The following CEP112 variants were observed in gnomAD, a reference collection of about 807,000 sequenced individuals.
CEP112 encodes centrosomal protein 112.
A neutral mutation model predicts 153.0 loss-of-function variants in CEP112; 127 were observed. That is an observed-to-expected ratio of 0.83 (90% confidence interval 0.72 to 0.96). The LOEUF is 0.96. Ranked by LOEUF, CEP112 falls within the 40% of genes least tolerant of loss-of-function variation. The probability of loss-of-function intolerance (pLI) is 0.00; values close to 1 mark genes in which losing one functional copy is unlikely to be tolerated. For synonymous variants in CEP112, 358 were observed against 374.4 expected (o/e 0.96, Z 0.51); for missense variants, 1,089 against 1,101.2 (o/e 0.99, Z 0.16).
chr17:65,804,865 A>T (rs1449572894), intron 21 of CEP112, among the ~76,000 whole-genome samples: 3 of 144,972 alleles, frequency 2.1e-5, no homozygotes, highest in Non-Finnish European at 4.6e-5. Context: ...TGTACAATTA[A>T]TTTTTTTTTT....
chr17:66,102,671 A>G (rs2068613904), intron 6 of CEP112, among the ~76,000 whole-genome samples: 1 of 151,048 alleles, frequency 6.6e-6, no homozygotes, highest in African/African-American at 2.4e-5. Context: ...GGTGGCGGGC[A>G]CCTGTAGTCC....
At chr17:65,948,155 G>A (rs1163245790) in intron 18 of CEP112, among the ~76,000 whole-genome samples, 1 of 152,168 alleles carries the variant, frequency 6.6e-6, no homozygotes, top group Admixed American at 6.5e-5. Flanking sequence ...GAACTGACTA[G>A]CCAGTTTCAA....
chr17:65,935,483 TACA>T (rs2061274476), intron 18 of CEP112, among the ~76,000 whole-genome samples: 1 of 152,192 alleles, frequency 6.6e-6, no homozygotes, highest in Admixed American at 6.5e-5. Context: ...ATGTCTCAAG[TACA>T]ACATGAAACA....
chr17:66,085,252 CAG>C (rs1233763591), intron 8 of CEP112, among the ~76,000 whole-genome samples: 1 of 152,070 alleles, frequency 6.6e-6, no homozygotes, highest in African/African-American at 2.4e-5. Flanking sequence ...TTTAATATAA[CAG>C]AGAGTTATAC....
At chr17:65,717,397 A>G (rs1397984740) in intron 23 of CEP112, among the ~76,000 whole-genome samples, 6 of 152,288 alleles carry the variant, frequency 3.9e-5, no homozygotes, top group Middle Eastern at 3.4e-3. Context: ...CCCCTCACCC[A>G]CAAAAAATAC....
intron 24 of CEP112, among the ~76,000 whole-genome samples, chr17:65,665,860 C>G (rs1038924071): frequency 6.6e-5 from 10 of 152,098 alleles, no homozygotes; most frequent in African/African-American, 2.4e-4. Flanking sequence ...ATGAGCTGGC[C>G]CCAGCAGTCC....
At chr17:66,168,031 T>C (rs1482741065) in intron 4 of CEP112, among the ~76,000 whole-genome samples, 3 of 152,232 alleles carry the variant, frequency 2.0e-5, no homozygotes, top group Admixed American at 2.0e-4. Context: ...ATATCTGTTA[T>C]ACAAATTTAT....
intron 21 of CEP112, among the ~76,000 whole-genome samples, chr17:65,752,419 A>G (rs1018991330): frequency 1.3e-5 from 2 of 152,144 alleles, no homozygotes; most frequent in Non-Finnish European, 2.9e-5. Flanking sequence ...TGCATCCTCC[A>G]GTTTCCTGCC....
At chr17:65,848,281 A>C (rs1470172713) in intron 21 of CEP112, among the ~76,000 whole-genome samples, 3 of 152,146 alleles carry the variant, frequency 2.0e-5, no homozygotes, top group Non-Finnish European at 4.4e-5. Context: ...GTTTCTGGGC[A>C]CACAATCATT....
intron 8 of CEP112, among the ~76,000 whole-genome samples, chr17:66,070,303 A>G (rs1437928964): frequency 6.6e-6 from 1 of 152,178 alleles, no homozygotes; most frequent in African/African-American, 2.4e-5. Context: ...GGCATTTTAA[A>G]GTGATATTTT....
chr17:65,997,105 G>A lies in CEP112; in HGVS notation c.1736+8585C>T, dbSNP rs139141962. On this transcript the variant is annotated intron_variant, in intron 17 of 26. Transcript: ENST00000535342. ...GTGCACCTGTAGTCCCAGCTACTCG[G>A]GAGACTGAGGCAGAAGAATTGCTTG... 5.4e-3 allele frequency among the ~76,000 whole-genome samples: 826 copies of A among 152,204 alleles called. 11 individuals are homozygous for A. Among genetic ancestry groups the A allele is most frequent in the African/African-American group, 0.019 (774 of 41,542 alleles).
chr17:65,678,582 C>T (rs1431251002), intron 24 of CEP112, among the ~76,000 whole-genome samples: 1 of 152,184 alleles, frequency 6.6e-6, no homozygotes, highest in Non-Finnish European at 1.5e-5. Context: ...GAGACCCAGC[C>T]CCAAGGCAGG....
chr17:66,169,376 T>C (rs141532440), intron 4 of CEP112, among the ~76,000 whole-genome samples: 5,138 of 149,414 alleles, frequency 0.034, 128 homozygotes, highest in Middle Eastern at 0.062. Context: ...CTCTGGCTCC[T>C]GGGTTCAAGC....
chr17:65,780,804 C>G (rs934492150), intron 21 of CEP112, among the ~76,000 whole-genome samples: 1 of 152,068 alleles, frequency 6.6e-6, no homozygotes, highest in South Asian at 2.1e-4. Context: ...TGACATTGTT[C>G]AATGATCAAA....
intron 22 of CEP112, among the ~76,000 whole-genome samples, chr17:65,745,218 G>A (rs1003992722): frequency 6.6e-6 from 1 of 152,172 alleles, no homozygotes; most frequent in African/African-American, 2.4e-5. Flanking sequence ...TTAGCCGATT[G>A]TGAAATGACA....
intron 21 of CEP112, among the ~76,000 whole-genome samples, chr17:65,789,919 G>A (rs1285073778): frequency 1.3e-5 from 2 of 152,128 alleles, no homozygotes; most frequent in African/African-American, 4.8e-5. Flanking sequence ...CTGGATCATA[G>A]CCCACCCTTC....
intron 24 of CEP112, among the ~76,000 whole-genome samples, chr17:65,644,893 A>G (rs1374071565): frequency 1.3e-5 from 2 of 152,136 alleles, no homozygotes; most frequent in Non-Finnish European, 2.9e-5. Flanking sequence ...GTAAAGTCTG[A>G]GGCCAATCTG....
At chr17:65,895,984 A>G (rs1370865890) in intron 20 of CEP112, among the ~76,000 whole-genome samples, 1 of 152,118 alleles carries the variant, frequency 6.6e-6, no homozygotes, top group African/African-American at 2.4e-5. Context: ...TTCAAGAACA[A>G]TTTTAATATT....
In CEP112 at chr17:65,912,546, T is replaced by C. The variant is rs1344183243; in HGVS notation, c.1981-10212A>G. ...CTGGCCTAAAGCAACAAAACCACTC[T>C]CATATTCTCACTTTTCTGATACTTT... On this transcript the variant is annotated intron_variant, in intron 19 of 26. Transcript: ENST00000535342. Among the ~76,000 whole-genome samples, 3 of 152,156 alleles carry C rather than the reference T, an allele frequency of 2.0e-5. No homozygotes were observed. The East Asian group carries it at 5.8e-4, about 29-fold the overall frequency.
Sources: gnomAD v4.1 joint callset for allele counts (sites outside exome capture counted in the v4.1 genomes callset) on GRCh38, gnomAD v4.1.1 for gene constraint, MANE v1.5 for transcripts, NCBI Gene and HGNC (gene_info 2026-07-23, HGNC 2026-07-21) for gene names.